SLC24A2: variants seen among roughly 807,000 people sequenced by gnomAD.
SLC24A2 encodes the protein solute carrier family 24 member 2.
Under a neutral mutation model 62.0 loss-of-function variants are expected in SLC24A2, and 36 were observed. The observed-to-expected ratio is 0.58, with a 90% CI of 0.44 to 0.77. SLC24A2 has a LOEUF of 0.77. Among genes scored for constraint, SLC24A2 ranks in the 30% least tolerant of loss-of-function variants. The probability of loss-of-function intolerance (pLI) is 0.00; values close to 1 mark genes in which losing one functional copy is unlikely to be tolerated. For missense variants in SLC24A2, 846 were observed against 817.9 expected, an observed-to-expected ratio of 1.03 and a Z score of -0.42; for synonymous variants, 358 against 294.0, an observed-to-expected ratio of 1.22 and a Z score of -2.23.
At chr9:19,876,332 T>C in the SLC24A2 span, among the ~76,000 whole-genome samples, 2 of 151,788 alleles carry the variant, frequency 1.3e-5, no homozygotes, top group Non-Finnish European at 2.9e-5. Flanking sequence ...TCTCAACATA[T>C]GGATTGACAT....
chr9:19,721,150 A>AAAAG (rs1821014744), intron 2 of SLC24A2, among the ~76,000 whole-genome samples: 1 of 152,156 alleles, frequency 6.6e-6, no homozygotes, highest in African/African-American at 2.4e-5. Context: ...GAATAAACTA[A>AAAAG]AAAGAAAGAA....
At chr9:19,626,644 C>T (rs1818042957) in intron 2 of SLC24A2, among the ~76,000 whole-genome samples, 1 of 152,006 alleles carries the variant, frequency 6.6e-6, no homozygotes, top group Non-Finnish European at 1.5e-5. Flanking sequence ...CAAATATGCC[C>T]ATGATTAGAA....
At chr9:20,094,744 A>G in the SLC24A2 span, among the ~76,000 whole-genome samples, 12 of 152,176 alleles carry the variant, frequency 7.9e-5, no homozygotes, top group African/African-American at 2.7e-4. Context: ...AAATGTGTCA[A>G]TGTTTGGAAG....
intron 2 of SLC24A2, among the ~76,000 whole-genome samples, chr9:19,636,103 C>A (rs1338732913): frequency 6.6e-6 from 1 of 152,116 alleles, no homozygotes; most frequent in East Asian, 1.9e-4. Flanking sequence ...CCCCTGAGGG[C>A]AAATCAACAA....
chr9:20,122,899 G>T, the SLC24A2 span, among the ~76,000 whole-genome samples: 69 of 152,034 alleles, frequency 4.5e-4, no homozygotes, highest in Non-Finnish European at 7.9e-4. Context: ...CTAAATCTCA[G>T]TTCAATTTTT....
At chr9:20,107,268 T>C in the SLC24A2 span, among the ~76,000 whole-genome samples, 1,363 of 151,578 alleles carry the variant, frequency 9.0e-3, 24 homozygotes, top group South Asian at 0.063. Context: ...GGCCATACTG[T>C]CCAAGGTAAT....
the SLC24A2 span, among the ~76,000 whole-genome samples, chr9:20,108,404 T>C: frequency 1.3e-5 from 2 of 152,130 alleles, no homozygotes; most frequent in African/African-American, 4.8e-5. Flanking sequence ...CACACGTATG[T>C]TTATTGCGGC....
chr9:19,736,045 A>G (rs1443591702), intron 2 of SLC24A2, among the ~76,000 whole-genome samples: 1 of 152,146 alleles, frequency 6.6e-6, no homozygotes, highest in Admixed American at 6.6e-5. Flanking sequence ...TAACGCAAAC[A>G]GTGGGAGAGA....
chr9:20,006,781 G>T, the SLC24A2 span, among the ~76,000 whole-genome samples: 1 of 152,110 alleles, frequency 6.6e-6, no homozygotes, highest in African/African-American at 2.4e-5. Flanking sequence ...AAGAAAAATC[G>T]TGTATGCCTT....
intron 8 of SLC24A2, among the ~76,000 whole-genome samples, chr9:19,544,255 C>CTTTTTTTTTTTTT (rs375479154): frequency 9.7e-5 from 12 of 124,018 alleles, no homozygotes; most frequent in African/African-American, 2.5e-4. Context: ...GCAACCCCTG[C>CTTTTTTTTTTTTT]TTTTTTTTTT....
chr9:19,549,121 A>G (rs1383747311), intron 8 of SLC24A2, among the ~76,000 whole-genome samples: 1 of 152,228 alleles, frequency 6.6e-6, no homozygotes, highest in Non-Finnish European at 1.5e-5. Flanking sequence ...AGCACCCAGT[A>G]TGTGATAATG....
the SLC24A2 span, among the ~76,000 whole-genome samples, chr9:20,209,295 AC>A: frequency 6.6e-6 from 1 of 152,138 alleles, no homozygotes; most frequent in Admixed American, 6.5e-5. Flanking sequence ...GTAATGAATC[AC>A]CCTGTTTTTA....
the SLC24A2 span, among the ~76,000 whole-genome samples, chr9:20,230,758 T>G: frequency 2.0e-5 from 3 of 152,230 alleles, no homozygotes; most frequent in Non-Finnish European, 2.9e-5. Context: ...TTTGTCAATT[T>G]TGGCTTTTGT....
At chr9:20,294,450 G>C in the SLC24A2 span, among the ~76,000 whole-genome samples, 5 of 152,190 alleles carry the variant, frequency 3.3e-5, no homozygotes, top group African/African-American at 1.2e-4. Flanking sequence ...AGCCTGGGCA[G>C]AGCTGCTGCT....
At chr9:20,006,297 T>C in the SLC24A2 span, among the ~76,000 whole-genome samples, 2 of 151,948 alleles carry the variant, frequency 1.3e-5, no homozygotes, top group African/African-American at 4.8e-5. Context: ...TGTATATTAA[T>C]TGCTCAGAGT....
chr9:19,870,354 C>A, the SLC24A2 span, among the ~76,000 whole-genome samples: 1 of 152,152 alleles, frequency 6.6e-6, no homozygotes, highest in Non-Finnish European at 1.5e-5. Context: ...CCACAGTATT[C>A]CATTCTTTTG....
Position 19,513,047 on chromosome 9 carries a change from G to C in SLC24A2, c.*3106C>G, listed in dbSNP as rs749436080. 2.0e-5 allele frequency: 3 copies of C among 151,184 alleles called. No individual in the cohort carries two copies. The highest frequency in any genetic ancestry group is 2.9e-5 in the Non-Finnish European group (2 of 67,942). 9.4% of individuals were successfully genotyped at this position (151,184 alleles called of 1,614,324 possible). A position where few individuals can be genotyped will look rare whatever the true frequency, so the allele number is the denominator to read the frequency against. On this transcript the variant is annotated 3_prime_UTR_variant, in exon 11 of 11. Coordinates refer to ENST00000341998, the MANE Select transcript of SLC24A2 (RefSeq NM_020344.4). ...TGTGTGCATGACTTTCCTTTTCCTT[G>C]ACTTTGGCAAACTTGATGCTCCCTG...
the SLC24A2 span, among the ~76,000 whole-genome samples, chr9:20,222,292 A>T: frequency 6.6e-6 from 1 of 152,048 alleles, no homozygotes; most frequent in African/African-American, 2.4e-5. Context: ...AAAATAAGCA[A>T]GAAAAAAGAA....
the SLC24A2 span, among the ~76,000 whole-genome samples, chr9:19,883,522 A>G: frequency 2.6e-5 from 4 of 151,564 alleles, no homozygotes; most frequent in African/African-American, 4.8e-5. Flanking sequence ...GTCATTTACC[A>G]TTTTGGGGGC....
Sources: allele counts gnomAD v4.1 joint callset (sites outside exome capture counted in the v4.1 genomes callset), GRCh38; gene constraint gnomAD v4.1.1; transcripts MANE v1.5; gene names NCBI Gene and HGNC (gene_info 2026-07-23, HGNC 2026-07-21).